Variants in SPIDR observed in about 807,000 individuals in gnomAD.
SPIDR encodes the protein DNA repair-scaffolding protein.
In SPIDR, 93 loss-of-function variants were observed where a neutral mutation model predicts 104.6. The ratio of observed to expected loss-of-function variants is 0.89; its 90% confidence interval spans 0.75 to 1.06. SPIDR has a LOEUF of 1.06. SPIDR is among the 50% of genes least tolerant of loss of function. The pLI is 0.00. For synonymous variants in SPIDR, 431 were observed against 416.9 expected (o/e 1.03, Z -0.41); for missense variants, 1,154 against 1,111.2 (o/e 1.04, Z -0.55).
chr8:47,483,197 G>A (rs1050476259), intron 8 of SPIDR, among the ~76,000 whole-genome samples: 9 of 152,018 alleles, frequency 5.9e-5, no homozygotes, highest in African/African-American at 1.9e-4. Context: ...TTTTACGCTT[G>A]GGGTTGTCTT....
At chr8:47,614,305 T>C (rs2063982279) in intron 10 of SPIDR, among the ~76,000 whole-genome samples, 1 of 152,052 alleles carries the variant, frequency 6.6e-6, no homozygotes. Flanking sequence ...CACTGCAACC[T>C]CTGCCTCCTG....
intron 3 of SPIDR, among the ~76,000 whole-genome samples, chr8:47,286,941 T>C (rs893993978): frequency 3.1e-4 from 47 of 152,196 alleles, no homozygotes; most frequent in African/African-American, 1.1e-3. Flanking sequence ...CTCTTAAGTA[T>C]TGGGGGAACC....
At chr8:47,317,685 G>C (rs1320324678) in intron 5 of SPIDR, among the ~76,000 whole-genome samples, 2 of 152,024 alleles carry the variant, frequency 1.3e-5, no homozygotes, top group African/African-American at 4.8e-5. Flanking sequence ...AGCTTAACTG[G>C]GAGGCACCCC....
intron 1 of SPIDR, among the ~76,000 whole-genome samples, chr8:47,266,001 C>T (rs781859819): frequency 1.3e-5 from 2 of 151,836 alleles, no homozygotes; most frequent in Admixed American, 6.6e-5. Context: ...CTGCCCGCAT[C>T]GACATCCCAA....
intron 11 of SPIDR, among the ~76,000 whole-genome samples, chr8:47,683,023 GA>G (rs1233006471): frequency 1.3e-5 from 2 of 152,212 alleles, no homozygotes. Flanking sequence ...CCATCTGTTT[GA>G]TCACAGGAAG....
intron 8 of SPIDR, among the ~76,000 whole-genome samples, chr8:47,531,399 C>CCT (rs1344350982): frequency 3.9e-5 from 6 of 152,150 alleles, no homozygotes; most frequent in Admixed American, 3.3e-4. Flanking sequence ...GAAGGACCTG[C>CCT]CTGAGGCTCT....
intron 8 of SPIDR, among the ~76,000 whole-genome samples, chr8:47,492,654 C>T (rs1326571953): frequency 6.6e-6 from 1 of 152,152 alleles, no homozygotes; most frequent in Non-Finnish European, 1.5e-5. Context: ...CTTCTTTTCT[C>T]AAGCCATTTT....
intron 5 of SPIDR, among the ~76,000 whole-genome samples, chr8:47,337,230 C>T (rs1045515039): frequency 1.3e-5 from 2 of 152,084 alleles, no homozygotes; most frequent in African/African-American, 4.8e-5. Flanking sequence ...TGGGTTCAAC[C>T]TGACCTTCCA....
intron 10 of SPIDR, among the ~76,000 whole-genome samples, chr8:47,609,872 A>G (rs1021881604): frequency 6.6e-6 from 1 of 152,120 alleles, no homozygotes; most frequent in Non-Finnish European, 1.5e-5. Flanking sequence ...CTTTTTTCCT[A>G]TATATTAAAC....
chr8:47,493,359 T>C (rs1001117295), intron 8 of SPIDR, among the ~76,000 whole-genome samples: 2 of 152,200 alleles, frequency 1.3e-5, no homozygotes, highest in African/African-American at 4.8e-5. Context: ...AATACCATTA[T>C]TATTTTAATA....
At position 47,382,812 on chromosome 8, in the gene SPIDR, A is replaced by G. The variant is rs189512296; in HGVS notation, c.526-13564A>G. 2.0e-3 allele frequency among the ~76,000 whole-genome samples: 300 copies of G among 152,286 alleles called. 1 individual carries two copies. Among genetic ancestry groups the G allele is most frequent in the African/African-American group, 6.9e-3 (287 of 41,546 alleles). ...AAATTGTTTTTTCTGGTCAGCTCCT[A>G]TAAGTATATGCCCGCATTTCTCCTT... On this transcript the variant is annotated intron_variant, in intron 5 of 19. Transcript: ENST00000297423.
chr8:47,481,902 C>A (rs374893644), intron 8 of SPIDR, among the ~76,000 whole-genome samples: 1 of 152,212 alleles, frequency 6.6e-6, no homozygotes, highest in Non-Finnish European at 1.5e-5. Flanking sequence ...AGGTAGTGAT[C>A]TGCCTTCAAT....
At chr8:47,483,824 T>C (rs2077194778) in intron 8 of SPIDR, among the ~76,000 whole-genome samples, 1 of 152,138 alleles carries the variant, frequency 6.6e-6, no homozygotes, top group Non-Finnish European at 1.5e-5. Flanking sequence ...GTATGTGTCA[T>C]TGGATTCTAG....
chr8:47,591,217 A>G (rs983048445), intron 8 of SPIDR, among the ~76,000 whole-genome samples: 1 of 136,362 alleles, frequency 7.3e-6, no homozygotes, highest in Non-Finnish European at 1.6e-5. Context: ...TTTTTGTTTT[A>G]TTTTTCCTGG....
intron 5 of SPIDR, among the ~76,000 whole-genome samples, chr8:47,310,687 T>C (rs1157336171): frequency 3.3e-5 from 5 of 152,168 alleles, no homozygotes; most frequent in Non-Finnish European, 2.9e-5. Flanking sequence ...GGGGTGACTC[T>C]AGCAGCTAGA....
intron 19 of SPIDR, among the ~76,000 whole-genome samples, chr8:47,735,102 GT>G (rs1310608553): frequency 1.4e-5 from 2 of 141,688 alleles, no homozygotes; most frequent in African/African-American, 5.5e-5. Flanking sequence ...GTGGGTGTGT[GT>G]GTGTGTGGGT....
At chr8:47,511,534 GGGTCTCA>G in intron 8 of SPIDR, 1 of 781,878 alleles carries the variant, frequency 1.3e-6, no homozygotes, top group Non-Finnish European at 2.4e-6. Flanking sequence ...GGCATCGGAT[GGGTCTCA>G]GTAGCTTCTG....
chr8:47,500,257 C>T (rs1309154989), intron 8 of SPIDR, among the ~76,000 whole-genome samples: 1 of 152,190 alleles, frequency 6.6e-6, no homozygotes, highest in Non-Finnish European at 1.5e-5. Context: ...ACAGTCCCAC[C>T]AACAGTGTAA....
chr8:47,266,835 T>G (rs2154211467), intron 1 of SPIDR, among the ~76,000 whole-genome samples: 1 of 152,302 alleles, frequency 6.6e-6, no homozygotes, highest in African/African-American at 2.4e-5. Context: ...TGTTCCTAAT[T>G]GTAGAATATT....
Sources: gnomAD v4.1 joint callset for allele counts (sites outside exome capture counted in the v4.1 genomes callset) on GRCh38, gnomAD v4.1.1 for gene constraint, MANE v1.5 for transcripts, NCBI Gene and HGNC (gene_info 2026-07-23, HGNC 2026-07-21) for gene names.